TSEN2: variants seen among roughly 807,000 people sequenced by gnomAD.
TSEN2 encodes the protein tRNA-splicing endonuclease subunit Sen2.
Under a neutral mutation model 59.2 loss-of-function variants are expected in TSEN2, and 54 were observed. The ratio of observed to expected loss-of-function variants is 0.91; its 90% CI spans 0.73 to 1.14. The LOEUF (loss-of-function observed/expected upper bound fraction) is 1.14, where lower values mean the gene tolerates loss of function less well. TSEN2 is among the 50% of genes most tolerant of loss of function. TSEN2 has a pLI of 0.00. For missense variants in TSEN2, 636 were observed against 576.2 expected (o/e 1.10, Z -1.06); for synonymous variants, 195 against 198.2 (o/e 0.98, Z 0.14).
rs144890704 is a variant in TSEN2, at chr3:12,529,072, A to G, written c.1136+148A>G. On this transcript the variant is annotated intron_variant, in intron 9 of 11. Transcript: ENST00000284995. ...ATGCTATATGTTCATGCCTCCTTAC[A>G]CACTAATGTCATTATACTATATATA... is the stretch of plus-strand genomic sequence containing the variant. 5.9e-4 allele frequency: 461 copies of G among 783,260 alleles called. No individual in the cohort carries two copies. In the African/African-American group the frequency reaches 6.5e-3, roughly 11 times the overall value. 48.5% of individuals were successfully genotyped at this position (783,260 alleles called of 1,614,324 possible).
chr3:12,497,913 G>A (rs959630783), intron 4 of TSEN2, among the ~76,000 whole-genome samples: 3 of 152,168 alleles, frequency 2.0e-5, no homozygotes, highest in Admixed American at 6.5e-5. Flanking sequence ...CCCTCGGAAG[G>A]CTCTGGGGGA....
intron 10 of TSEN2, 192 bp from the exon 11 acceptor site, chr3:12,531,378 T>C: frequency 1.7e-6 from 1 of 592,308 alleles, no homozygotes; most frequent in Admixed American, 2.9e-5. Flanking sequence ...CAGTGATTAC[T>C]AAACGGCAGG....
In TSEN2 at chr3:12,505,197, G is replaced by A. The variant is rs1287386583; in HGVS notation, c.875G>A (p.Arg292Lys). 6.2e-7 allele frequency: 1 copy of A among 1,612,020 alleles called. No individual in the cohort carries two copies. The highest frequency in any genetic ancestry group is 8.5e-7 in the Non-Finnish European group (1 of 1,178,338). Residue 292 changes from arginine (R) to lysine (K), a missense_variant, in exon 6 of 12, where the codon AGG becomes AAG. Physicochemically the swap from Arg to Lys is conservative, Grantham distance 26 (BLOSUM62 2). Coordinates refer to ENST00000284995, the MANE Select transcript of TSEN2 (RefSeq NM_025265.4). ...TTAATATGCAGAAGAAATCCATATA[G>A]GATCTTTGAGTATTTGCAACTCAGC... is the stretch of plus-strand genomic sequence containing the variant. ...NRLICRRNPY[R>K]IFEYLQLSLE...
intron 4 of TSEN2, among the ~76,000 whole-genome samples, chr3:12,501,769 C>T (rs1316981768): frequency 6.6e-6 from 1 of 152,160 alleles, no homozygotes; most frequent in African/African-American, 2.4e-5. Context: ...TTCTCACAAG[C>T]CACGTGTTGT....
intron 8 of TSEN2, among the ~76,000 whole-genome samples, chr3:12,520,431 A>G (rs1166691322): frequency 6.6e-6 from 1 of 152,240 alleles, no homozygotes; most frequent in East Asian, 1.9e-4. Flanking sequence ...AATGTCTGAC[A>G]GTACTGCCTC....
intron 4 of TSEN2, among the ~76,000 whole-genome samples, 177 bp from the exon 5 acceptor site, chr3:12,503,080 AAAAAG>A (rs747284160): frequency 5.3e-5 from 8 of 152,288 alleles, no homozygotes; most frequent in Non-Finnish European, 7.4e-5. Flanking sequence ...AAAAAAATAA[AAAAAG>A]AAAGAAAAGA....
At chr3:12,534,340 C>T (rs1335630566), downstream of TSEN2, among the ~76,000 whole-genome samples, 4 of 152,150 alleles carry the variant, frequency 2.6e-5, no homozygotes, top group Admixed American at 6.5e-5. Flanking sequence ...GCTTTTAATT[C>T]CCCAGAGAGA....
chr3:12,503,929 G>A, intron 5 of TSEN2, 145 bp downstream of exon 5: 1 of 1,037,794 alleles, frequency 9.6e-7, no homozygotes, highest in Non-Finnish European at 1.4e-6. Context: ...CAGCAGCTGT[G>A]AGGGCCATTT....
intron 2 of TSEN2, among the ~76,000 whole-genome samples, chr3:12,491,026 T>C (rs2053162600): frequency 6.6e-6 from 1 of 152,330 alleles, no homozygotes; most frequent in South Asian, 2.1e-4. Flanking sequence ...AGTCTTACCC[T>C]GTCACCCAGA....
upstream of TSEN2, among the ~76,000 whole-genome samples, chr3:12,481,228 G>A (rs2052189861): frequency 6.6e-6 from 1 of 152,162 alleles, no homozygotes; most frequent in South Asian, 2.1e-4. Context: ...AGTGATACTG[G>A]GGATATGTTG....
At chr3:12,480,363 C>G (rs2052177230), upstream of TSEN2, among the ~76,000 whole-genome samples, 1 of 152,178 alleles carries the variant, frequency 6.6e-6, no homozygotes, top group Admixed American at 6.5e-5. Context: ...CCTCCTAAGG[C>G]TAACCTCCCT....
intron 8 of TSEN2, among the ~76,000 whole-genome samples, chr3:12,522,879 T>A (rs1247091347): frequency 6.6e-6 from 1 of 152,176 alleles, no homozygotes; most frequent in Non-Finnish European, 1.5e-5. Flanking sequence ...GAGGGAGCCT[T>A]TCCTTACACT....
chr3:12,530,813 A>G, intron 10 of TSEN2: 2 of 961,504 alleles, frequency 2.1e-6, no homozygotes, highest in Non-Finnish European at 2.5e-6. Context: ...TGCAACTTTA[A>G]TGTCGTATAA....
intron 6 of TSEN2, among the ~76,000 whole-genome samples, 193 bp from the exon 7 acceptor site, chr3:12,516,418 C>CCG (rs767626836): frequency 6.7e-6 from 1 of 149,592 alleles, no homozygotes; most frequent in Non-Finnish European, 1.5e-5. Context: ...GAGTGAGACT[C>CCG]CGTTTCAAAA....
chr3:12,517,219 G>A (rs1026750936), intron 7 of TSEN2, among the ~76,000 whole-genome samples: 2 of 151,982 alleles, frequency 1.3e-5, no homozygotes, highest in East Asian at 1.9e-4. Context: ...TTAGCCGGGC[G>A]TGTTGGCATG....
intron 5 of TSEN2, 55 bp from the exon 6 acceptor site, chr3:12,505,099 T>TA: frequency 1.0e-6 from 1 of 991,018 alleles, no homozygotes. Context: ...ATACATTCTC[T>TA]ATGACATGTA....
rs1447381921 is a variant in TSEN2 at position 12,484,771 on chromosome 3, A to G, written c.-127A>G. Reference sequence around the variant, plus strand: ...TCTTGGAAACGCCGGCGCCTTGTTCAGGGCTGGTGGGGCTGGGGCGCAAGG... The same window carrying G: ...TCTTGGAAACGCCGGCGCCTTGTTCGGGGCTGGTGGGGCTGGGGCGCAAGG... On this transcript the variant is annotated 5_prime_UTR_variant, in exon 1 of 12. Coordinates refer to ENST00000284995, the MANE Select transcript of TSEN2 (RefSeq NM_025265.4). The G allele has an allele frequency of 6.6e-6, 1 of 152,162 alleles. No homozygotes were observed. The highest frequency in any genetic ancestry group is 2.1e-4 in the South Asian group (1 of 4,830). 9.4% of individuals were successfully genotyped at this position (152,162 alleles called of 1,614,324 possible).
chr3:12,509,800 T>C (rs997430355), intron 6 of TSEN2, among the ~76,000 whole-genome samples: 1 of 152,194 alleles, frequency 6.6e-6, no homozygotes, highest in African/African-American at 2.4e-5. Context: ...CACAAGAGCC[T>C]GGGGAATAAA....
At position 12,505,944 on chromosome 3, in the gene TSEN2, G is replaced by A. The variant is rs572733516; in HGVS notation, c.909+713G>A. On this transcript the variant is annotated intron_variant, in intron 6 of 11. Coordinates refer to ENST00000284995, the MANE Select transcript of TSEN2 (RefSeq NM_025265.4). ...TGCACTACTGCGCTCCAGCTTGGGC[G>A]AAAGAGTGAGACTCTGTGTCAAACA... Among the ~76,000 whole-genome samples, 115 of 152,062 alleles carry A rather than the reference G, an allele frequency of 7.6e-4. 1 individual carries two copies. Among genetic ancestry groups the A allele is most frequent in the African/African-American group, 2.6e-3 (108 of 41,500 alleles).
Sources: allele counts gnomAD v4.1 joint callset (sites outside exome capture counted in the v4.1 genomes callset), GRCh38; gene constraint gnomAD v4.1.1; transcripts MANE v1.5; gene names NCBI Gene and HGNC (gene_info 2026-07-23, HGNC 2026-07-21).